NIM1K: variants seen among roughly 807,000 people sequenced by gnomAD.
NIM1K encodes the protein NIM1 serine/threonine protein kinase, also known as serine/threonine-protein kinase NIM1.
Under a neutral mutation model 37.1 loss-of-function variants are expected in NIM1K, and 35 were observed. The observed-to-expected ratio is 0.94, with a 90% CI of 0.72 to 1.25. NIM1K has a LOEUF of 1.25. Among genes scored for constraint, NIM1K ranks in the 50% most tolerant of loss-of-function variants. The pLI is 0.00. For missense variants in NIM1K, 564 were observed against 548.0 expected, an observed-to-expected ratio of 1.03 and a Z score of -0.29; for synonymous variants, 234 against 206.6, an observed-to-expected ratio of 1.13 and a Z score of -1.14.
intron 1 of NIM1K, among the ~76,000 whole-genome samples, chr5:43,204,306 A>G (rs1278316590): frequency 1.3e-5 from 2 of 149,968 alleles, no homozygotes; most frequent in Non-Finnish European, 3.0e-5. Context: ...CTGGTCTCGA[A>G]CTCCTGACCT....
chr5:43,196,814 C>G (rs987123011), intron 1 of NIM1K, among the ~76,000 whole-genome samples: 1 of 151,828 alleles, frequency 6.6e-6, no homozygotes, highest in Non-Finnish European at 1.5e-5. Context: ...ACACTGTTGC[C>G]CAGGGTAGAG....
intron 1 of NIM1K, among the ~76,000 whole-genome samples, chr5:43,194,035 G>T (rs17303015): frequency 2.6e-5 from 4 of 151,744 alleles, no homozygotes; most frequent in African/African-American, 9.7e-5. Context: ...ACAGCTTTCC[G>T]CTCAGACAAA....
At chr5:43,224,840 C>T (rs936475036) in intron 1 of NIM1K, among the ~76,000 whole-genome samples, 2 of 151,912 alleles carry the variant, frequency 1.3e-5, no homozygotes, top group African/African-American at 2.4e-5. Flanking sequence ...CGATTACAGG[C>T]GTCCACCATC....
At position 43,262,009 on chromosome 5, in the gene NIM1K, T is replaced by C. The variant is rs199961691; in HGVS notation, c.293-15048T>C. ...CAGTACCATGCTGTTTTGGTTACTG[T>C]AGCCTTGTAGTATAGTTTGAAGTCA... On this transcript the variant is annotated intron_variant, in intron 2 of 3. Transcript: ENST00000326035. Among the ~76,000 whole-genome samples the C allele has an allele frequency of 2.2e-3, 328 of 152,326 alleles. 1 individual carries two copies. Among genetic ancestry groups the C allele is most frequent in the East Asian group, 0.019 (101 of 5,190 alleles).
chr5:43,275,825 T>C (rs1753330406), intron 2 of NIM1K, among the ~76,000 whole-genome samples: 1 of 152,062 alleles, frequency 6.6e-6, no homozygotes, highest in African/African-American at 2.4e-5. Context: ...CCTTGAAGGA[T>C]CATCAGGAAT....
At chr5:43,221,007 G>A (rs555899997) in intron 1 of NIM1K, among the ~76,000 whole-genome samples, 2 of 152,076 alleles carry the variant, frequency 1.3e-5, no homozygotes, top group African/African-American at 4.8e-5. Context: ...GCCACATATT[G>A]GTGCTCTCTT....
intron 1 of NIM1K, among the ~76,000 whole-genome samples, chr5:43,203,415 C>G (rs558782855): frequency 1.9e-4 from 29 of 152,296 alleles, no homozygotes; most frequent in African/African-American, 5.5e-4. Flanking sequence ...GCCAACTGTT[C>G]AAACCATGTT....
intron 2 of NIM1K, among the ~76,000 whole-genome samples, chr5:43,255,254 G>T (rs1451440284): frequency 1.3e-5 from 2 of 152,150 alleles, no homozygotes; most frequent in Non-Finnish European, 2.9e-5. Context: ...CTTACTCCAG[G>T]TTCTTCAGTG....
intron 2 of NIM1K, among the ~76,000 whole-genome samples, chr5:43,275,346 C>G (rs528884969): frequency 8.5e-5 from 13 of 152,286 alleles, no homozygotes; most frequent in African/African-American, 3.1e-4. Context: ...TTGCTGGGTA[C>G]TTAAGCTATT....
rs775743720 is a variant in NIM1K, at chr5:43,245,753, G to A, written c.-23G>A. The stretch of plus-strand genomic sequence containing the variant: ...GCACAACCTGCCTCTTCGCTGAGAT[G>A]GAGACGTGAGCCCCCGTGGACGATG... On this transcript the variant is annotated 5_prime_UTR_variant, in exon 2 of 4. An upstream start codon of the reference 5' UTR is lost. Transcript: ENST00000326035. 6.4e-7 allele frequency: 1 copy of A among 1,552,070 alleles called. No homozygotes were observed. Among genetic ancestry groups the A allele is most frequent in the East Asian group, 2.3e-5 (1 of 44,022 alleles).
intron 1 of NIM1K, chr5:43,192,726 A>ATGTGCGCGCGTGTGTGCACCCATGTCTC (rs1751851773): frequency 6.6e-6 from 1 of 151,752 alleles, no homozygotes; most frequent in Non-Finnish European, 1.5e-5. Flanking sequence ...GCCCATGTCT[A>ATGTGCGCGCGTGTGTGCACCCATGTCTC]TGTGCGCGCG....
At chr5:43,223,337 T>C (rs1752408303) in intron 1 of NIM1K, among the ~76,000 whole-genome samples, 3 of 152,186 alleles carry the variant, frequency 2.0e-5, no homozygotes, top group Admixed American at 6.6e-5. Flanking sequence ...TATTAGCACC[T>C]ACCTTCTAAA....
intron 1 of NIM1K, among the ~76,000 whole-genome samples, chr5:43,230,698 A>T (rs1234578281): frequency 2.6e-5 from 4 of 152,208 alleles, no homozygotes; most frequent in Non-Finnish European, 5.9e-5. Context: ...GGTGATTTTC[A>T]TGCAGGTTAA....
chr5:43,242,479 A>T (rs1257994789), intron 1 of NIM1K, among the ~76,000 whole-genome samples: 3 of 151,874 alleles, frequency 2.0e-5, no homozygotes, highest in African/African-American at 7.3e-5. Context: ...ATTTCGAAGC[A>T]GTTCTGTCAC....
At chr5:43,260,771 C>T (rs893432040) in intron 2 of NIM1K, among the ~76,000 whole-genome samples, 6 of 152,062 alleles carry the variant, frequency 3.9e-5, no homozygotes, top group Non-Finnish European at 7.4e-5. Context: ...TTCCCCCACC[C>T]GACGACAGGC....
chr5:43,201,124 CAAA>C (rs540562771), intron 1 of NIM1K, among the ~76,000 whole-genome samples: 3 of 83,276 alleles, frequency 3.6e-5, no homozygotes, highest in Non-Finnish European at 2.4e-5. Flanking sequence ...GACAACATCT[CAAA>C]AAAAAAAAAA....
At chr5:43,213,193 CTT>C (rs1281248741) in intron 1 of NIM1K, among the ~76,000 whole-genome samples, 2 of 54,728 alleles carry the variant, frequency 3.7e-5, no homozygotes, top group African/African-American at 1.2e-4. Flanking sequence ...TTCTTTCTTT[CTT>C]TCTTTCTTTC....
intron 1 of NIM1K, among the ~76,000 whole-genome samples, chr5:43,200,949 C>T (rs1210103747): frequency 6.6e-6 from 1 of 151,686 alleles, no homozygotes; most frequent in Non-Finnish European, 1.5e-5. Context: ...GATGGTGAAA[C>T]CCTGTCTCTA....
chr5:43,197,454 C>A (rs1157445364), intron 1 of NIM1K, among the ~76,000 whole-genome samples: 2 of 152,154 alleles, frequency 1.3e-5, no homozygotes, highest in East Asian at 3.9e-4. Flanking sequence ...CAAATTAGTT[C>A]TATTCTTGGC....
Sources: allele counts gnomAD v4.1 joint callset (sites outside exome capture counted in the v4.1 genomes callset), GRCh38; gene constraint gnomAD v4.1.1; transcripts MANE v1.5; gene names NCBI Gene and HGNC (gene_info 2026-07-23, HGNC 2026-07-21).